MSRB3: variants seen among roughly 807,000 people sequenced by gnomAD.
The protein encoded by MSRB3 is methionine-R-sulfoxide reductase B3.
MSRB3 carries 13 observed loss-of-function variants against 21.0 expected under a neutral mutation model. The observed-to-expected ratio is 0.62, with a 90% CI of 0.40 to 0.98. The LOEUF (loss-of-function observed/expected upper bound fraction) is 0.98, where lower values mean the gene tolerates loss of function less well. MSRB3 is among the 50% of genes least tolerant of loss of function. MSRB3 has a pLI of 0.00. For missense variants in MSRB3, 199 were observed against 230.3 expected, an observed-to-expected ratio of 0.86 and a Z score of 0.88; for synonymous variants, 87 against 88.6, an observed-to-expected ratio of 0.98 and a Z score of 0.10.
intron 5 of MSRB3, among the ~76,000 whole-genome samples, chr12:65,411,682 T>C (rs1317532194): frequency 6.6e-6 from 1 of 151,372 alleles, no homozygotes; most frequent in Non-Finnish European, 1.5e-5. Flanking sequence ...ATAGAATCAC[T>C]GTTGTATTGC....
At chr12:65,396,018 A>T (rs1038596043) in intron 5 of MSRB3, among the ~76,000 whole-genome samples, 1 of 151,576 alleles carries the variant, frequency 6.6e-6, no homozygotes, top group Non-Finnish European at 1.5e-5. Flanking sequence ...TTCTGCTCTA[A>T]TTTTTTTTCT....
In MSRB3 at chr12:65,463,154, G is replaced by T; in HGVS notation, c.391-1G>T. Reference sequence around the variant, plus strand: ...CCTGACGTTTTGTTCTTCTCTTTCAGTGTGGTGCTCACCTTGGGCACATTT... The same window carrying T: ...CCTGACGTTTTGTTCTTCTCTTTCATTGTGGTGCTCACCTTGGGCACATTT... On this transcript the variant is annotated splice_acceptor_variant, in intron 6 of 6. Coordinates refer to ENST00000308259, the MANE Select transcript of MSRB3 (RefSeq NM_001031679.3). LOFTEE classifies it high-confidence loss of function. 6.2e-7 allele frequency: 1 copy of T among 1,614,002 alleles called. No individual in the cohort carries two copies. Among genetic ancestry groups the T allele is most frequent in the Non-Finnish European group, 8.5e-7 (1 of 1,180,004 alleles).
chr12:65,377,408 A>AT (rs1421808206), intron 5 of MSRB3, among the ~76,000 whole-genome samples: 1 of 152,070 alleles, frequency 6.6e-6, no homozygotes, highest in East Asian at 1.9e-4. Flanking sequence ...AATAGCTGGG[A>AT]TTACAGGCGC....
chr12:65,423,655 G>C (rs1881436316), intron 5 of MSRB3, among the ~76,000 whole-genome samples: 1 of 152,006 alleles, frequency 6.6e-6, no homozygotes, highest in Admixed American at 6.6e-5. Flanking sequence ...TATTGTTTTG[G>C]TTATGTTGAA....
intron 2 of MSRB3, among the ~76,000 whole-genome samples, chr12:65,310,775 A>G (rs972267651): frequency 9.2e-5 from 14 of 152,246 alleles, no homozygotes; most frequent in African/African-American, 3.1e-4. Flanking sequence ...ATTAACCATT[A>G]TGGTACAGTG....
intron 5 of MSRB3, among the ~76,000 whole-genome samples, chr12:65,390,632 G>A (rs1879431338): frequency 6.6e-6 from 1 of 152,074 alleles, no homozygotes; most frequent in East Asian, 1.9e-4. Context: ...CACTTTGGGA[G>A]ACTTCATGAA....
chr12:65,425,686 A>G (rs1278311214), intron 5 of MSRB3, among the ~76,000 whole-genome samples: 1 of 151,894 alleles, frequency 6.6e-6, no homozygotes, highest in Non-Finnish European at 1.5e-5. Flanking sequence ...TACAGTTTAC[A>G]TCTTTTTTTT....
intron 5 of MSRB3, among the ~76,000 whole-genome samples, chr12:65,440,558 A>C (rs1282095684): frequency 6.6e-6 from 1 of 151,900 alleles, no homozygotes; most frequent in Non-Finnish European, 1.5e-5. Context: ...TTTTTTAAAC[A>C]CTAAAAGGAA....
rs549060197 is a variant in MSRB3, at chr12:65,289,293, G to C, written c.-52+10428G>C. On this transcript the variant is annotated intron_variant, in intron 1 of 6. Coordinates refer to ENST00000308259, the MANE Select transcript of MSRB3 (RefSeq NM_001031679.3). ...GCGGATCACCTGAGGTCAGGAGTTCGAGGCTAGCCTGGCTAACAAGGCAAA... is the reference window on the plus strand; with the variant it reads ...GCGGATCACCTGAGGTCAGGAGTTCCAGGCTAGCCTGGCTAACAAGGCAAA... Among the ~76,000 whole-genome samples the C allele has an allele frequency of 2.0e-5, 3 of 152,258 alleles. No individual in the cohort carries two copies. In the South Asian group the frequency reaches 6.2e-4, roughly 32 times the overall value.
At chr12:65,397,381 C>T (rs1199081652) in intron 5 of MSRB3, among the ~76,000 whole-genome samples, 2 of 152,078 alleles carry the variant, frequency 1.3e-5, no homozygotes, top group Admixed American at 6.6e-5. Context: ...TTGATATAAT[C>T]ACTTTAGTAA....
In MSRB3 at chr12:65,326,889, T is replaced by C. The variant is rs1875078115; in HGVS notation, c.140T>C (p.Leu47Pro). The C allele has an allele frequency of 6.2e-7, 1 of 1,613,096 alleles. No individual in the cohort carries two copies. Among genetic ancestry groups the C allele is most frequent in the Non-Finnish European group, 8.5e-7 (1 of 1,179,634 alleles). Residue 47 changes from leucine to proline, a missense_variant, in exon 3 of 7, where the codon CTA (leucine) becomes CCA (proline). Transcript: ENST00000308259. ...TCCCAGCAGGAACTGAGGAAGCGGC[T>C]AACACCCCTGCAGTACCATGTCACT... is the stretch of plus-strand genomic sequence containing the variant. Reference protein sequence around the residue: ...VFSQQELRKRLTPLQYHVTQE... With the variant: ...VFSQQELRKRPTPLQYHVTQE...
intron 5 of MSRB3, among the ~76,000 whole-genome samples, chr12:65,434,522 T>C (rs1227103652): frequency 2.0e-5 from 3 of 151,848 alleles, no homozygotes; most frequent in African/African-American, 7.3e-5. Context: ...GTGAAGAATA[T>C]TTATGGAAAG....
intron 5 of MSRB3, among the ~76,000 whole-genome samples, chr12:65,391,181 G>C (rs1211779776): frequency 2.0e-5 from 3 of 152,184 alleles, no homozygotes; most frequent in Non-Finnish European, 4.4e-5. Flanking sequence ...AGTGAATGAT[G>C]GGCGGAAGCA....
chr12:65,433,196 A>G (rs1166807738), intron 5 of MSRB3, among the ~76,000 whole-genome samples: 1 of 151,976 alleles, frequency 6.6e-6, no homozygotes, highest in Non-Finnish European at 1.5e-5. Flanking sequence ...CATTATTCAT[A>G]GTAGCCAAAA....
At chr12:65,434,062 C>G (rs1882007975) in intron 5 of MSRB3, among the ~76,000 whole-genome samples, 1 of 151,954 alleles carries the variant, frequency 6.6e-6, no homozygotes, top group Non-Finnish European at 1.5e-5. Flanking sequence ...TTTCTGGAAT[C>G]TTTTGGCTTA....
At chr12:65,433,751 A>G (rs943380148) in intron 5 of MSRB3, among the ~76,000 whole-genome samples, 6 of 151,920 alleles carry the variant, frequency 3.9e-5, no homozygotes, top group Non-Finnish European at 8.8e-5. Context: ...AAGTCTCTAC[A>G]CTGCTCCCTT....
At chr12:65,334,239 CACTT>C (rs1565839220) in intron 4 of MSRB3, among the ~76,000 whole-genome samples, 2 of 152,168 alleles carry the variant, frequency 1.3e-5, no homozygotes, top group Non-Finnish European at 2.9e-5. Flanking sequence ...CAATAGCTAA[CACTT>C]ACTACAGCAC....
At chr12:65,462,496 A>T (rs1883373930) in intron 6 of MSRB3, among the ~76,000 whole-genome samples, 1 of 152,102 alleles carries the variant, frequency 6.6e-6, no homozygotes, top group Non-Finnish European at 1.5e-5. Context: ...GCTTTTCTTT[A>T]TATTAGAGTT....
chr12:65,366,972 G>A (rs1325678852), intron 4 of MSRB3, among the ~76,000 whole-genome samples: 1 of 152,068 alleles, frequency 6.6e-6, no homozygotes, highest in East Asian at 1.9e-4. Context: ...AGGGACAGGA[G>A]GAGGAGGGGA....
Sources: allele counts gnomAD v4.1 joint callset (sites outside exome capture counted in the v4.1 genomes callset), GRCh38; gene constraint gnomAD v4.1.1; transcripts MANE v1.5; gene names NCBI Gene and HGNC (gene_info 2026-07-23, HGNC 2026-07-21).